OCA2: variants seen among roughly 807,000 people sequenced by gnomAD.
OCA2 encodes OCA2 melanosomal transmembrane protein.
In OCA2, 77 loss-of-function variants were observed where a neutral mutation model predicts 100.2. The observed-to-expected ratio is 0.77, with a 90% CI of 0.64 to 0.93. The LOEUF is 0.93. OCA2 is among the 40% of genes least tolerant of loss of function. The pLI, the probability that OCA2 is intolerant of heterozygous loss-of-function variation, is 0.00. For missense variants in OCA2, 1,062 were observed against 1,089.1 expected, an observed-to-expected ratio of 0.98 and a Z score of 0.35; for synonymous variants, 432 against 439.2, an observed-to-expected ratio of 0.98 and a Z score of 0.21.
intron 18 of OCA2, among the ~76,000 whole-genome samples, chr15:27,939,666 C>G (rs1037607519): frequency 1.3e-5 from 2 of 152,336 alleles, no homozygotes; most frequent in South Asian, 2.1e-4. Flanking sequence ...GAATCAGGTT[C>G]GTTATCACAG....
intron 23 of OCA2, among the ~76,000 whole-genome samples, chr15:27,808,291 G>C (rs769934176): frequency 1.3e-4 from 20 of 152,244 alleles, no homozygotes; most frequent in Non-Finnish European, 2.6e-4. Flanking sequence ...AGGATGTTAA[G>C]CTGGGGAAGT....
At chr15:28,031,169 T>G (rs2042897501) in intron 3 of OCA2, among the ~76,000 whole-genome samples, 1 of 152,240 alleles carries the variant, frequency 6.6e-6, no homozygotes, top group Admixed American at 6.5e-5. Context: ...CTTCTACATT[T>G]CTTTGTTTTC....
At chr15:28,072,945 T>C (rs756625280) in intron 2 of OCA2, among the ~76,000 whole-genome samples, 7 of 152,230 alleles carry the variant, frequency 4.6e-5, no homozygotes, top group Non-Finnish European at 8.8e-5. Context: ...AATCCCATTA[T>C]TGGGTAGATA....
intron 2 of OCA2, among the ~76,000 whole-genome samples, chr15:28,039,166 C>G (rs1340338380): frequency 6.6e-6 from 1 of 152,060 alleles, no homozygotes; most frequent in Non-Finnish European, 1.5e-5. Flanking sequence ...ATGATGCTGA[C>G]AAAACAGGAG....
intron 1 of OCA2, among the ~76,000 whole-genome samples, chr15:28,097,155 CAGTG>C (rs571467383): frequency 1.3e-5 from 2 of 152,332 alleles, no homozygotes; most frequent in South Asian, 2.1e-4. Flanking sequence ...CCTGGCGCCT[CAGTG>C]GGTGGCCGGG....
At position 27,984,951 on chromosome 15, in the gene OCA2, C is replaced by T. The variant is rs1900758; in HGVS notation, c.1364+113G>A. 0.61 allele frequency: 779,109 copies of T among 1,282,724 alleles called. 261,509 individuals carry two copies. Among genetic ancestry groups the T allele is most frequent in the Non-Finnish European group, 0.7 (636,695 of 903,136 alleles). 79.5% of individuals were successfully genotyped at this position (1,282,724 alleles called of 1,614,324 possible). A position where few individuals can be genotyped will look rare whatever the true frequency, so the allele number is the denominator to read the frequency against. On this transcript the variant is annotated intron_variant, in intron 13 of 23. Transcript: ENST00000354638. Reference sequence around the variant, plus strand: ...GAATGCAGTGAGCTGTGGGCTCAACCGCCCCCACCTTTTCATGCACCTGAG... The same window carrying T: ...GAATGCAGTGAGCTGTGGGCTCAACTGCCCCCACCTTTTCATGCACCTGAG...
chr15:28,081,426 ACT>A (rs747324066), intron 2 of OCA2, among the ~76,000 whole-genome samples: 4 of 152,014 alleles, frequency 2.6e-5, no homozygotes, highest in South Asian at 2.1e-4. Flanking sequence ...CATGCTACAA[ACT>A]CTTTTTTCTA....
At chr15:27,747,163 G>C in the OCA2 span, among the ~76,000 whole-genome samples, 2 of 152,170 alleles carry the variant, frequency 1.3e-5, no homozygotes, top group Non-Finnish European at 2.9e-5. Context: ...CAACCACACA[G>C]TGAGGAGGGG....
In OCA2 at chr15:28,069,409, C is replaced by CCTCT. The variant is rs2044141693; in HGVS notation, c.227+12238_227+12239insAGAG. ...CCCCCTCCCCCTCCCCCTCCCCTTC[C>CCTCT]CCCTCCCCCTCCCCCTCCCCCTCCC... On this transcript the variant is annotated intron_variant, in intron 2 of 23. Transcript: ENST00000354638. Among the ~76,000 whole-genome samples, 4 of 20,982 alleles carry CCTCT rather than the reference C, an allele frequency of 1.9e-4. No homozygotes were observed. The African/African-American group carries it at 2.9e-3, about 15-fold the overall frequency. 13.8% of individuals were successfully genotyped at this position (20,982 alleles called of 152,430 possible).
intron 23 of OCA2, among the ~76,000 whole-genome samples, chr15:27,821,250 GAC>G (rs2034490724): frequency 6.6e-6 from 1 of 152,108 alleles, no homozygotes; most frequent in South Asian, 2.1e-4. Context: ...CAGTGAGTAA[GAC>G]TAATTAATTC....
At chr15:27,903,680 G>C (rs892803832) in intron 19 of OCA2, among the ~76,000 whole-genome samples, 1 of 152,184 alleles carries the variant, frequency 6.6e-6, no homozygotes, top group Admixed American at 6.5e-5. Context: ...CGAGGCTTAG[G>C]TCCTTAGTGA....
intron 2 of OCA2, among the ~76,000 whole-genome samples, chr15:28,049,776 G>T (rs1597196): frequency 0.35 from 52,737 of 152,038 alleles, 13,065 homozygotes; most frequent in African/African-American, 0.7. Flanking sequence ...AGACAGAAAG[G>T]AAATTGCAGG....
At chr15:27,890,643 C>T (rs775060336) in intron 19 of OCA2, among the ~76,000 whole-genome samples, 5 of 152,148 alleles carry the variant, frequency 3.3e-5, no homozygotes, top group Non-Finnish European at 5.9e-5. Flanking sequence ...GAAATAAATA[C>T]ACTCTCAGAT....
At chr15:28,053,243 CT>C (rs147958186) in intron 2 of OCA2, among the ~76,000 whole-genome samples, 13,893 of 152,198 alleles carry the variant, frequency 0.091, 802 homozygotes, top group African/African-American at 0.16. Flanking sequence ...TGGTGTGTAT[CT>C]CCAGGCAGCA....
intron 15 of OCA2, among the ~76,000 whole-genome samples, chr15:27,966,373 T>C (rs763820782): frequency 2.0e-5 from 3 of 152,218 alleles, no homozygotes; most frequent in Non-Finnish European, 4.4e-5. Context: ...TGATACACTA[T>C]TAGAGCACTG....
intron 3 of OCA2, 130 bp from the exon 4 acceptor site, chr15:28,028,189 G>T: frequency 9.6e-7 from 1 of 1,038,322 alleles, no homozygotes; most frequent in Non-Finnish European, 1.5e-6. Context: ...CACAGACAGT[G>T]GTGCACTCTC....
chr15:27,887,636 T>G (rs1168335112), intron 19 of OCA2, among the ~76,000 whole-genome samples: 1 of 122,998 alleles, frequency 8.1e-6, no homozygotes, highest in African/African-American at 2.9e-5. Context: ...TTTTTTTTTG[T>G]AAATTGCCCA....
intron 23 of OCA2, among the ~76,000 whole-genome samples, chr15:27,818,503 C>T (rs2034391358): frequency 6.6e-6 from 1 of 152,098 alleles, no homozygotes; most frequent in South Asian, 2.1e-4. Flanking sequence ...TGATGAATGC[C>T]ACAAAAGAGT....
chr15:28,051,669 T>C (rs2043521245), intron 2 of OCA2, among the ~76,000 whole-genome samples: 1 of 143,934 alleles, frequency 6.9e-6, no homozygotes, highest in African/African-American at 2.6e-5. Flanking sequence ...GTGTAGTGGC[T>C]ATTCATTCAG....
Sources: gnomAD v4.1 joint callset for allele counts (sites outside exome capture counted in the v4.1 genomes callset) on GRCh38, gnomAD v4.1.1 for gene constraint, MANE v1.5 for transcripts, NCBI Gene and HGNC (gene_info 2026-07-23, HGNC 2026-07-21) for gene names.